SLC6A15: variants seen among roughly 807,000 people sequenced by gnomAD.
SLC6A15 encodes solute carrier family 6 member 15.
A neutral mutation model predicts 68.5 loss-of-function variants in SLC6A15; 33 were observed. The ratio of observed to expected loss-of-function variants is 0.48; its 90% confidence interval spans 0.37 to 0.64. The LOEUF is 0.64. SLC6A15 is among the 30% of genes least tolerant of loss of function. SLC6A15 has a pLI of 0.00. For missense variants in SLC6A15, 747 were observed against 874.3 expected (o/e 0.85, Z 1.84); for synonymous variants, 347 against 301.0 (o/e 1.15, Z -1.58).
Position 84,892,138 on chromosome 12 carries a change from A to T in SLC6A15, c.-18T>A. The T allele has an allele frequency of 1.5e-6, 2 of 1,340,712 alleles. No individual in the cohort carries two copies. The highest frequency in any genetic ancestry group is 2.0e-6 in the Non-Finnish European group (2 of 1,017,500). The allele number at this position is 1,340,712 out of a possible 1,614,324, so 83.1% of individuals were successfully genotyped here. The stretch of plus-strand genomic sequence containing the variant: ...TTGGGCATTGGAGAGTATGCGAAGT[A>T]TTTAAAAAAAAAAAAAAAAACTCCC... On this transcript the variant is annotated 5_prime_UTR_variant, in exon 2 of 12. Transcript: ENST00000266682.
At chr12:84,904,751 T>G (rs1313990866) in intron 1 of SLC6A15, among the ~76,000 whole-genome samples, 1 of 152,168 alleles carries the variant, frequency 6.6e-6, no homozygotes, top group Non-Finnish European at 1.5e-5. Flanking sequence ...ACAGGAATTA[T>G]CATTGCAAAA....
chr12:84,896,032 C>T (rs959024516), intron 1 of SLC6A15, among the ~76,000 whole-genome samples: 1 of 152,104 alleles, frequency 6.6e-6, no homozygotes, highest in African/African-American at 2.4e-5. Context: ...AGTATCAGTG[C>T]TCGATAGGTC....
chr12:84,863,373 A>G, intron 11 of SLC6A15, 66 bp downstream of exon 11: 1 of 1,234,026 alleles, frequency 8.1e-7, no homozygotes, highest in Non-Finnish European at 1.1e-6. Context: ...GAGACAAAAG[A>G]AAAAGCCCTC....
At position 84,861,265 on chromosome 12, in the gene SLC6A15, A is replaced by G. The variant is rs1870834898; in HGVS notation, c.*367T>C. The G allele has an allele frequency of 6.1e-6, 1 of 164,602 alleles. No individual in the cohort carries two copies. Among genetic ancestry groups the G allele is most frequent in the African/African-American group, 2.4e-5 (1 of 41,852 alleles). 10.2% of individuals were successfully genotyped at this position (164,602 alleles called of 1,614,324 possible). A position where few individuals can be genotyped will look rare whatever the true frequency, so the allele number is the denominator to read the frequency against. On this transcript the variant is annotated 3_prime_UTR_variant, in exon 12 of 12. Transcript: ENST00000266682. ...AGTTACCCTGAAGGCAAACTTATAAATTTTAATGTATACCATTTTTAATTG... is the reference window on the plus strand; with the variant it reads ...AGTTACCCTGAAGGCAAACTTATAAGTTTTAATGTATACCATTTTTAATTG...
At chr12:84,908,364 C>T (rs1216706588) in intron 1 of SLC6A15, among the ~76,000 whole-genome samples, 2 of 151,598 alleles carry the variant, frequency 1.3e-5, no homozygotes, top group Non-Finnish European at 2.9e-5. Flanking sequence ...AATTTTATTT[C>T]TAAAACTCTT....
At chr12:84,863,719 AC>A in intron 10 of SLC6A15, 118 bp from the exon 11 acceptor site, 6 of 657,300 alleles carry the variant, frequency 9.1e-6, no homozygotes, top group Non-Finnish European at 1.4e-5. Flanking sequence ...GACATTTTAT[AC>A]TGTATCAAAG....
At chr12:84,862,030 T>C (rs779094555) in intron 11 of SLC6A15, 24 bp from the exon 12 acceptor site, 1 of 1,539,204 alleles carries the variant, frequency 6.5e-7, no homozygotes, top group Non-Finnish European at 8.7e-7. Context: ...AAATAATAAT[T>C]ATTAGTAATC....
chr12:84,895,430 A>G (rs1872600919), intron 1 of SLC6A15, among the ~76,000 whole-genome samples: 1 of 137,446 alleles, frequency 7.3e-6, no homozygotes, highest in South Asian at 2.4e-4. Context: ...GCTCACCACA[A>G]CCTCTGCCTC....
chr12:84,892,040 T>C lies in SLC6A15; in HGVS notation c.81A>G (p.Glu27=). ...TESVKDLLSN[E]DAADDAFKTS... is the part of the protein sequence containing the mutation. ...TCTTAAAAGCATCATCAGCTGCGTC[T>C]TCATTGGAAAGAAGGTCTTTGACAG... is the stretch of plus-strand genomic sequence containing the variant. Residue 27 remains glutamate, a synonymous_variant, in exon 2 of 12, where the codon GAA becomes GAG. Coordinates refer to ENST00000266682, the MANE Select transcript of SLC6A15 (RefSeq NM_182767.6). 1 of 1,614,006 alleles carries C rather than the reference T, an allele frequency of 6.2e-7. No homozygotes were observed. Among genetic ancestry groups the C allele is most frequent in the Non-Finnish European group, 8.5e-7 (1 of 1,179,968 alleles).
chr12:84,866,477 C>A (rs1028267502), intron 10 of SLC6A15, among the ~76,000 whole-genome samples: 1 of 152,124 alleles, frequency 6.6e-6, no homozygotes, highest in African/African-American at 2.4e-5. Flanking sequence ...CAGCAAATGA[C>A]ATATACATCT....
intron 5 of SLC6A15, among the ~76,000 whole-genome samples, chr12:84,880,370 T>C (rs1249514761): frequency 1.3e-5 from 2 of 152,182 alleles, no homozygotes; most frequent in African/African-American, 2.4e-5. Context: ...ATAATATTAT[T>C]AAAATGAGTT....
intron 9 of SLC6A15, among the ~76,000 whole-genome samples, chr12:84,868,510 A>G (rs1871157205): frequency 6.6e-6 from 1 of 152,196 alleles, no homozygotes; most frequent in East Asian, 1.9e-4. Flanking sequence ...ACACCCCAGT[A>G]TGAGGCAAAT....
chr12:84,874,322 T>C (rs1444201617), intron 6 of SLC6A15, among the ~76,000 whole-genome samples: 1 of 152,192 alleles, frequency 6.6e-6, no homozygotes, highest in African/African-American at 2.4e-5. Context: ...CTTACCACGG[T>C]GCCTACCACA....
Position 84,876,503 on chromosome 12 carries a change from G to A in SLC6A15, c.861C>T (p.Thr287=), listed in dbSNP as rs2120595812. 2 of 1,550,838 alleles carry A rather than the reference G, an allele frequency of 1.3e-6. No homozygotes were observed. The change falls in exon 6 of 12, where the codon ACC becomes ACT. Residue 287 remains threonine, a synonymous_variant. Coordinates refer to ENST00000266682, the MANE Select transcript of SLC6A15 (RefSeq NM_182767.6). ...GSIDGIRHMF[T]PKLEIMLEPK... ...ATAGAAATATGGTACATACCTTAGG[G>A]GTAAACATGTGGCGAATGCCATCAA...
chr12:84,876,031 T>C (rs934841369), intron 6 of SLC6A15, among the ~76,000 whole-genome samples: 1 of 151,480 alleles, frequency 6.6e-6, no homozygotes, highest in African/African-American at 2.4e-5. Context: ...TATTTTAGGG[T>C]CCATGGATTC....
intron 1 of SLC6A15, among the ~76,000 whole-genome samples, chr12:84,904,583 T>C (rs1170991837): frequency 6.6e-6 from 1 of 152,204 alleles, no homozygotes; most frequent in Admixed American, 6.5e-5. Context: ...TAGATCTATG[T>C]AGAGGATATG....
At chr12:84,911,238 G>T (rs2120760379) in intron 1 of SLC6A15, among the ~76,000 whole-genome samples, 1 of 152,242 alleles carries the variant, frequency 6.6e-6, no homozygotes, top group Admixed American at 6.5e-5. Context: ...TACAGCATGG[G>T]CGATGAGGAG....
intron 9 of SLC6A15, 49 bp downstream of exon 9, chr12:84,870,429 T>A (rs1871237618): frequency 7.5e-7 from 1 of 1,335,422 alleles, no homozygotes; most frequent in Non-Finnish European, 1.0e-6. Context: ...TCACCAAGAA[T>A]AAAATGGCCT....
intron 7 of SLC6A15, 66 bp from the exon 8 acceptor site, chr12:84,872,860 T>TA (rs1464336086): frequency 8.3e-6 from 11 of 1,318,180 alleles, no homozygotes; most frequent in Non-Finnish European, 1.1e-5. Flanking sequence ...TGTGAACGAC[T>TA]ATGCCATTAT....
Sources: allele counts gnomAD v4.1 joint callset (sites outside exome capture counted in the v4.1 genomes callset), GRCh38; gene constraint gnomAD v4.1.1; transcripts MANE v1.5; gene names NCBI Gene and HGNC (gene_info 2026-07-23, HGNC 2026-07-21).